The following PLA2G5 variants were observed in gnomAD, a reference collection of about 807,000 sequenced individuals.
PLA2G5 encodes phospholipase A2 group V.
A neutral mutation model predicts 15.9 loss-of-function variants in PLA2G5; 12 were observed. The ratio of observed to expected loss-of-function variants is 0.76; its 90% CI spans 0.48 to 1.23. The LOEUF is 1.23. PLA2G5 is among the 50% of genes most tolerant of loss of function. The pLI is 0.00. For synonymous variants in PLA2G5, 71 were observed against 71.4 expected (o/e 0.99, Z 0.03); for missense variants, 169 against 177.1 (o/e 0.95, Z 0.26).
At position 20,090,739 on chromosome 1, in the gene PLA2G5, T is replaced by G; in HGVS notation, c.*47T>G. 6.2e-7 allele frequency: 1 copy of G among 1,600,282 alleles called. No homozygotes were observed. Among genetic ancestry groups the G allele is most frequent in the Non-Finnish European group, 8.6e-7 (1 of 1,167,632 alleles). On this transcript the variant is annotated 3_prime_UTR_variant, in exon 5 of 5. Coordinates refer to ENST00000375108, the MANE Select transcript of PLA2G5 (RefSeq NM_000929.3). ...CAGACCAAGACTTTTGTTCTGTTTT[T>G]CTACAACACAGAGTACTGACTCTGC...
intron 1 of PLA2G5, among the ~76,000 whole-genome samples, chr1:20,044,647 A>C (rs570309125): frequency 6.6e-6 from 1 of 152,128 alleles, no homozygotes; most frequent in Admixed American, 6.5e-5. Context: ...CCACCTCTTT[A>C]AGAGGAAATT....
chr1:20,058,355 G>A (rs1298026418), intron 1 of PLA2G5, among the ~76,000 whole-genome samples: 1 of 152,084 alleles, frequency 6.6e-6, no homozygotes, highest in East Asian at 1.9e-4. Context: ...TTGAAAAATC[G>A]ACCTCTTCAT....
intron 1 of PLA2G5, among the ~76,000 whole-genome samples, chr1:20,057,935 C>A (rs12757793): frequency 0.038 from 5,820 of 152,056 alleles, 167 homozygotes; most frequent in Middle Eastern, 0.12. Flanking sequence ...CTGAGATTTT[C>A]TAGCTATCTT....
intron 1 of PLA2G5, among the ~76,000 whole-genome samples, chr1:20,035,849 T>C (rs1182583774): frequency 6.6e-6 from 1 of 152,212 alleles, no homozygotes; most frequent in Non-Finnish European, 1.5e-5. Flanking sequence ...ATTTATGCTT[T>C]AAGAAGGTTC....
intron 1 of PLA2G5, among the ~76,000 whole-genome samples, chr1:20,031,085 A>G (rs1455729980): frequency 6.6e-6 from 1 of 152,186 alleles, no homozygotes; most frequent in Non-Finnish European, 1.5e-5. Context: ...TTGGTTTTGG[A>G]GAGACAGAGA....
chr1:20,060,992 C>T (rs78971563), intron 2 of PLA2G5, among the ~76,000 whole-genome samples: 1,624 of 152,288 alleles, frequency 0.011, 30 homozygotes, highest in African/African-American at 0.037. Flanking sequence ...GCCGGGATTA[C>T]AGGCATGAGC....
chr1:20,060,055 G>C (rs536615414), intron 2 of PLA2G5, among the ~76,000 whole-genome samples: 2 of 152,060 alleles, frequency 1.3e-5, no homozygotes, highest in Non-Finnish European at 2.9e-5. Context: ...TTGAGGAAGT[G>C]AGAAAAGCCC....
intron 1 of PLA2G5, among the ~76,000 whole-genome samples, chr1:20,080,054 G>A (rs1233992990): frequency 6.6e-6 from 1 of 152,158 alleles, no homozygotes. Context: ...TCCGGGAGCG[G>A]GGCTGCCTGT....
chr1:20,028,461 G>A (rs2012671192), exon 1 of PLA2G5: 1 of 152,176 alleles, frequency 6.6e-6, no homozygotes, highest in African/African-American at 2.4e-5. Flanking sequence ...GTGCAGATTG[G>A]ACTTTCTTGC....
In PLA2G5 at chr1:20,084,881, G is replaced by C. The variant is rs760252436; in HGVS notation, c.40+11G>C. On this transcript the variant is annotated intron_variant, in intron 2 of 4. Coordinates refer to ENST00000375108, the MANE Select transcript of PLA2G5 (RefSeq NM_000929.3). ...GGTTCCTGGCTTGTAGTAAGTGCTG[G>C]CCCCGTGACCTTCGAATGAACTTTT... The C allele has an allele frequency of 1.3e-6, 2 of 1,594,762 alleles. No homozygotes were observed. Among genetic ancestry groups the C allele is most frequent in the East Asian group, 4.5e-5 (2 of 44,786 alleles).
chr1:20,068,457 T>G (rs1237396096), upstream of PLA2G5, among the ~76,000 whole-genome samples: 1 of 151,234 alleles, frequency 6.6e-6, no homozygotes, highest in Non-Finnish European at 1.5e-5. Context: ...GGTAGTTTTT[T>G]TTTTTTTTTT....
At chr1:20,087,433 G>A (rs546225244) in intron 3 of PLA2G5, among the ~76,000 whole-genome samples, 27 of 151,666 alleles carry the variant, frequency 1.8e-4, no homozygotes, top group Non-Finnish European at 2.9e-4. Context: ...TTGCTCTGTC[G>A]CCCAGGCTGG....
At chr1:20,088,889 C>G (rs552054422) in intron 3 of PLA2G5, 1 of 152,338 alleles carries the variant, frequency 6.6e-6, no homozygotes, top group South Asian at 2.1e-4. Flanking sequence ...CATCCTAGAC[C>G]TTCTGCACTC....
At chr1:20,036,674 T>A (rs762181527) in intron 1 of PLA2G5, among the ~76,000 whole-genome samples, 6 of 152,182 alleles carry the variant, frequency 3.9e-5, no homozygotes, top group Non-Finnish European at 8.8e-5. Flanking sequence ...TTTCTTTCTT[T>A]TTTTTGTTTG....
At chr1:20,057,970 C>A (rs2014519356) in intron 1 of PLA2G5, among the ~76,000 whole-genome samples, 1 of 151,874 alleles carries the variant, frequency 6.6e-6, no homozygotes, top group Non-Finnish European at 1.5e-5. Flanking sequence ...TAGTTTAATT[C>A]CATTGTGGTC....
At chr1:20,088,177 GA>G (rs1309960051) in intron 3 of PLA2G5, among the ~76,000 whole-genome samples, 28 of 152,266 alleles carry the variant, frequency 1.8e-4, no homozygotes, top group Admixed American at 1.8e-3. Flanking sequence ...GACCAATGTG[GA>G]AAAACCCCAT....
At chr1:20,067,559 A>T (rs1033333204), upstream of PLA2G5, among the ~76,000 whole-genome samples, 2 of 151,972 alleles carry the variant, frequency 1.3e-5, no homozygotes, top group Admixed American at 6.6e-5. Flanking sequence ...GTGGTGGTGT[A>T]CACTTGTAGT....
intron 1 of PLA2G5, among the ~76,000 whole-genome samples, chr1:20,051,387 C>T (rs747056833): frequency 4.6e-5 from 7 of 152,198 alleles, no homozygotes; most frequent in African/African-American, 9.7e-5. Flanking sequence ...ATTAACTACA[C>T]AGACTGAACT....
chr1:20,049,460 T>C (rs2014075507), intron 1 of PLA2G5, among the ~76,000 whole-genome samples: 1 of 152,156 alleles, frequency 6.6e-6, no homozygotes, highest in Non-Finnish European at 1.5e-5. Flanking sequence ...CTGATATGAT[T>C]TGGCTCTGTG....
Sources: gnomAD v4.1 joint callset for allele counts (sites outside exome capture counted in the v4.1 genomes callset) on GRCh38, gnomAD v4.1.1 for gene constraint, MANE v1.5 for transcripts, NCBI Gene and HGNC (gene_info 2026-07-23, HGNC 2026-07-21) for gene names.